The following ADAMTS8 variants were observed in gnomAD, a reference collection of about 807,000 sequenced individuals.
ADAMTS8 encodes A disintegrin and metalloproteinase with thrombospondin motifs 8.
In ADAMTS8, 50 loss-of-function variants were observed where a neutral mutation model predicts 64.4. The observed-to-expected ratio is 0.78, with a 90% confidence interval of 0.62 to 0.98. The LOEUF is 0.98. ADAMTS8 is among the 50% of genes least tolerant of loss of function. ADAMTS8 has a pLI of 0.00. For missense variants in ADAMTS8, 1,192 were observed against 1,208.2 expected (o/e 0.99, Z 0.20); for synonymous variants, 556 against 533.6 (o/e 1.04, Z -0.58).
Position 130,414,526 on chromosome 11 carries a change from C to T in ADAMTS8, c.1566+5G>A. ...TCCCCGCTATCCTCAGGGGCTGTCC[C>T]TCACCTTGGGCCTCTCCACTTCCTC... On this transcript the variant is annotated splice_donor_5th_base_variant and intron_variant, in intron 5 of 8. Coordinates refer to ENST00000257359, the MANE Select transcript of ADAMTS8 (RefSeq NM_007037.6). 6.3e-7 allele frequency: 1 copy of T among 1,586,838 alleles called. No individual in the cohort carries two copies. Among genetic ancestry groups the T allele is most frequent in the Non-Finnish European group, 8.6e-7 (1 of 1,163,396 alleles).
rs138502417 is a variant in ADAMTS8, at chr11:130,424,818, T to C, written c.720+2749A>G. Among the ~76,000 whole-genome samples, 236 of 152,220 alleles carry C rather than the reference T, an allele frequency of 1.6e-3. 1 individual carries two copies. Among genetic ancestry groups the C allele is most frequent in the African/African-American group, 5.1e-3 (212 of 41,542 alleles). On this transcript the variant is annotated intron_variant, in intron 1 of 8. Coordinates refer to ENST00000257359, the MANE Select transcript of ADAMTS8 (RefSeq NM_007037.6). The stretch of plus-strand genomic sequence containing the variant: ...TAGCACAGGGGCCCGAGGGTGGTCC[T>C]GGACACAGCTGTACCTCAGTCCCTC...
chr11:130,421,196 A>G (rs1862094624), intron 1 of ADAMTS8, among the ~76,000 whole-genome samples: 1 of 152,216 alleles, frequency 6.6e-6, no homozygotes, highest in South Asian at 2.1e-4. Flanking sequence ...CTGTGTGCCC[A>G]CGTTGAGCAG....
In ADAMTS8 at chr11:130,408,469, G is replaced by A. The variant is rs781562469; in HGVS notation, c.2094C>T (p.Pro698=). Residue 698 remains proline, a synonymous_variant, in exon 8 of 9, where the codon CCC becomes CCT. Coordinates refer to ENST00000257359, the MANE Select transcript of ADAMTS8 (RefSeq NM_007037.6). The part of the protein sequence containing the change: ...SCRKVSGSLT[P]TNYGYNDIVT... ...GAACTTCTGGGGAGACTCACTTGGTGGGGGTGAGGGACCCGGAGACCTTCC... is the reference window on the plus strand; with the variant it reads ...GAACTTCTGGGGAGACTCACTTGGTAGGGGTGAGGGACCCGGAGACCTTCC... 1 of 1,613,494 alleles carries A rather than the reference G, an allele frequency of 6.2e-7. No individual in the cohort carries two copies. Among genetic ancestry groups the A allele is most frequent in the Non-Finnish European group, 8.5e-7 (1 of 1,180,012 alleles).
chr11:130,427,898 C>T lies in ADAMTS8; in HGVS notation c.389G>A (p.Gly130Asp). 6.5e-7 allele frequency: 1 copy of T among 1,534,206 alleles called. No individual in the cohort carries two copies. Among genetic ancestry groups the T allele is most frequent in the South Asian group, 1.2e-5 (1 of 83,910 alleles). The change falls in exon 1 of 9, where the codon GGC becomes GAC. Residue 130 changes from glycine (G) to aspartate (D), a missense_variant. This residue lies in a region of ADAMTS8 where 741 missense variants were observed against 710.6 expected (regional missense o/e 1.04). Coordinates refer to ENST00000257359, the MANE Select transcript of ADAMTS8 (RefSeq NM_007037.6). ...CTGCGGCTGGATGGTGAACTCCTCG[C>T]CGTCCAGCAGGAAGGAGCCGCTCAG... ...RGLSGSFLLD[G>D]EEFTIQPQGA...
At position 130,416,827 on chromosome 11, in the gene ADAMTS8, A is replaced by C; in HGVS notation, c.1096+113T>G. 2.7e-6 allele frequency: 4 copies of C among 1,502,618 alleles called. No homozygotes were observed. Among genetic ancestry groups the C allele is most frequent in the African/African-American group, 1.4e-5 (1 of 72,792 alleles). 93.1% of individuals were successfully genotyped at this position (1,502,618 alleles called of 1,614,324 possible). On this transcript the variant is annotated intron_variant, in intron 3 of 8. Transcript: ENST00000257359. The surrounding 1 kb of genome is among the most constrained non-coding windows in gnomAD (Gnocchi z 4.8). ...ATACAGTCACCCTGTCAAAATTAGG[A>C]GGAGCTATTCCTAAGCAAGGGCCGC...
chr11:130,419,362 G>T (rs987923400), intron 1 of ADAMTS8, 70 bp from the exon 2 acceptor site: 2 of 1,590,650 alleles, frequency 1.3e-6, no homozygotes, highest in Admixed American at 3.4e-5. Flanking sequence ...TGGCCTGTCC[G>T]CTGCCATCAC....
intron 5 of ADAMTS8, among the ~76,000 whole-genome samples, chr11:130,414,201 G>GCAGC (rs1238617935): frequency 1.4e-5 from 2 of 147,908 alleles, no homozygotes; most frequent in African/African-American, 5.0e-5. Context: ...ATGGTTCACT[G>GCAGC]CAGCCTCAAA....
chr11:130,408,473 G>T lies in ADAMTS8; in HGVS notation c.2090C>A (p.Thr697Asn), dbSNP rs1417726772. The T allele has an allele frequency of 6.2e-7, 1 of 1,613,588 alleles. No homozygotes were observed. The highest frequency in any genetic ancestry group is 1.7e-5 in the Admixed American group (1 of 60,022). ...NSCRKVSGSL[T>N]PTNYGYNDIV... is the part of the protein sequence containing the mutation. ...TTCTGGGGAGACTCACTTGGTGGGG[G>T]TGAGGGACCCGGAGACCTTCCTGCA... is the stretch of plus-strand genomic sequence containing the variant. Residue 697 changes from threonine to asparagine, a missense_variant, in exon 8 of 9, where the codon ACC becomes AAC. Physicochemically the swap from Thr to Asn is moderately conservative, Grantham distance 65. This residue lies in a region of ADAMTS8 where 290 missense variants were observed against 297.8 expected (regional missense o/e 0.97). Coordinates refer to ENST00000257359, the MANE Select transcript of ADAMTS8 (RefSeq NM_007037.6).
Position 130,411,432 on chromosome 11 carries a change from C to T in ADAMTS8, c.1735G>A (p.Glu579Lys). The T allele has an allele frequency of 6.2e-7, 1 of 1,614,042 alleles. No individual in the cohort carries two copies. The highest frequency in any genetic ancestry group is 8.5e-7 in the Non-Finnish European group (1 of 1,179,950). The change falls in exon 6 of 9, where the codon GAA (glutamate) becomes AAA (lysine). Residue 579 changes from glutamate to lysine, a missense_variant. Transcript: ENST00000257359. The surrounding 1 kb of genome is among the most constrained non-coding windows in gnomAD (Gnocchi z 4.2). ...RAKYQSCHTE[E>K]CPPDGKSFRE... is the part of the protein sequence containing the mutation. ...TGGTAATTACCGTCAGGGGGGCATT[C>T]CTCCGTGTGGCATGACTGGTACTTG...
Position 130,427,774 on chromosome 11 carries a change from C to T in ADAMTS8, c.513G>A (p.Thr171=), listed in dbSNP as rs1862191531. The T allele has an allele frequency of 6.3e-7, 1 of 1,592,486 alleles. No individual in the cohort carries two copies. The highest frequency in any genetic ancestry group is 8.5e-7 in the Non-Finnish European group (1 of 1,170,570). Residue 171 remains threonine (T), a synonymous_variant, in exon 1 of 9, where the codon ACG becomes ACA. Coordinates refer to ENST00000257359, the MANE Select transcript of ADAMTS8 (RefSeq NM_007037.6). ...CTCTCTCCTGCCTCTGACCCTCTCC[C>T]GTCTCCACCTCCCACTCGGGTCCTC... is the stretch of plus-strand genomic sequence containing the variant. ...LPRGPEWEVE[T]GEGQRQERGD... is the part of the protein sequence containing the mutation.
intron 8 of ADAMTS8, 82 bp downstream of exon 8, chr11:130,408,382 C>T (rs1238546445): frequency 1.3e-6 from 2 of 1,513,226 alleles, no homozygotes; most frequent in Non-Finnish European, 1.8e-6. Flanking sequence ...GTAGCAGCCA[C>T]AGTTCAATTT....
rs534441809 is a variant in ADAMTS8, at chr11:130,416,307, C to T, written c.1120G>A (p.Asp374Asn). 1.1e-5 allele frequency: 17 copies of T among 1,570,410 alleles called. No homozygotes were observed. Among genetic ancestry groups the T allele is most frequent in the South Asian group, 9.4e-5 (8 of 85,350 alleles). ...AGCCGTGTGCAGGGCTTGGAGTCGT[C>T]GTGGGGCATGCTGAGGACGTGCCCT... ...ELGHVLSMPHDDSKPCTRLFG... is the reference protein window; with the variant it reads ...ELGHVLSMPHNDSKPCTRLFG... The change falls in exon 4 of 9, where the codon GAC becomes AAC. Residue 374 changes from aspartate (D) to asparagine (N), a missense_variant. Transcript: ENST00000257359. This position sits in a 1 kb window ranked among gnomAD's most constrained non-coding sequence, Gnocchi z 4.8.
In ADAMTS8 at chr11:130,408,904, T is replaced by C; in HGVS notation, c.1787A>G (p.Asn596Ser). ...SFREQQCEKY[N>S]AYNYTDMDGN... ...GTCCATGTCAGTGTAATTGTAGGCA[T>C]TATACTTCTCACACTGCTGCTCCCT... is the stretch of plus-strand genomic sequence containing the variant. Residue 596 changes from asparagine (N) to serine (S), a missense_variant, in exon 7 of 9, where the codon AAT (asparagine) becomes AGT (serine). Around this residue, in one of 5 missense-constraint regions of ADAMTS8, gnomAD observed 290 missense variants for 297.8 expected, o/e 0.97. Coordinates refer to ENST00000257359, the MANE Select transcript of ADAMTS8 (RefSeq NM_007037.6). 1 of 1,592,400 alleles carries C rather than the reference T, an allele frequency of 6.3e-7. No individual in the cohort carries two copies. The highest frequency in any genetic ancestry group is 8.6e-7 in the Non-Finnish European group (1 of 1,168,996).
intron 1 of ADAMTS8, among the ~76,000 whole-genome samples, chr11:130,425,918 G>T (rs568067739): frequency 7.6e-4 from 116 of 152,170 alleles, no homozygotes; most frequent in African/African-American, 2.6e-3. Flanking sequence ...CTTCTTTCTG[G>T]TGGAGCCCCC....
At chr11:130,422,296 C>A (rs1230370517) in intron 1 of ADAMTS8, among the ~76,000 whole-genome samples, 3 of 152,054 alleles carry the variant, frequency 2.0e-5, no homozygotes, top group African/African-American at 4.8e-5. Context: ...AATAACAACA[C>A]CCTGGCCAGT....
Position 130,427,639 on chromosome 11 carries a change from A to G in ADAMTS8, c.648T>C (p.Ser216=). Residue 216 remains serine, a synonymous_variant, in exon 1 of 9, where the codon TCT becomes TCC. Coordinates refer to ENST00000257359, the MANE Select transcript of ADAMTS8 (RefSeq NM_007037.6). The stretch of plus-strand genomic sequence containing the variant: ...GCAGCGTCTCCACGAAGCGCGCCTC[A>G]GACACAAACCGCTTGGTCCTACTCG... ...GATSRTKRFV[S]EARFVETLLV... 6.3e-7 allele frequency: 1 copy of G among 1,580,534 alleles called. No homozygotes were observed. Among genetic ancestry groups the G allele is most frequent in the Non-Finnish European group, 8.6e-7 (1 of 1,165,970 alleles).
intron 1 of ADAMTS8, among the ~76,000 whole-genome samples, chr11:130,425,682 G>C (rs1862155879): frequency 6.6e-6 from 1 of 151,010 alleles, no homozygotes; most frequent in Non-Finnish European, 1.5e-5. Context: ...CTCACTGCAA[G>C]CTCTGCCTCC....
chr11:130,427,606 G>T lies in ADAMTS8; in HGVS notation c.681C>A (p.Ala227=). 6.5e-7 allele frequency: 1 copy of T among 1,546,648 alleles called. No homozygotes were observed. Reference sequence around the variant, plus strand: ...CGTAGAAGGCAGCCATGGACGCATCGGCCACCAGCAGCGTCTCCACGAAGC... The same window carrying T: ...CGTAGAAGGCAGCCATGGACGCATCTGCCACCAGCAGCGTCTCCACGAAGC... ...EARFVETLLV[A]DASMAAFYGA... Residue 227 remains alanine, a synonymous_variant, in exon 1 of 9, where the codon GCC becomes GCA. Transcript: ENST00000257359.
rs1330097439 is a variant in ADAMTS8, at chr11:130,414,844, G to T, written c.1265-12C>A. 1.3e-6 allele frequency: 2 copies of T among 1,595,852 alleles called. No individual in the cohort carries two copies. Among genetic ancestry groups the T allele is most frequent in the Admixed American group, 1.7e-5 (1 of 58,448 alleles). The stretch of plus-strand genomic sequence containing the variant: ...CAGGAGACAGTCTCCTGGGAAAAGA[G>T]GAAGCAGGGGTGTAAGAACATGCAC... On this transcript the variant is annotated splice_polypyrimidine_tract_variant and intron_variant, in intron 4 of 8. Transcript: ENST00000257359.
Sources: gnomAD v4.1 joint callset for allele counts (sites outside exome capture counted in the v4.1 genomes callset) on GRCh38, gnomAD v4.1.1 for gene constraint, gnomAD v4.1.1 regional missense constraint, Gnocchi (gnomAD v3.1) non-coding constraint, MANE v1.5 for transcripts, NCBI Gene and HGNC (gene_info 2026-07-23, HGNC 2026-07-21) for gene names.